Variants in MTFR1L observed in about 807,000 individuals in gnomAD.
The protein encoded by MTFR1L is mitochondrial fission regulator 1-like.
A neutral mutation model predicts 27.9 loss-of-function variants in MTFR1L; 10 were observed. The observed-to-expected ratio is 0.36, with a 90% CI of 0.22 to 0.61. The LOEUF (loss-of-function observed/expected upper bound fraction) is 0.61, where lower values mean the gene tolerates loss of function less well. Ranked by LOEUF, MTFR1L falls within the 20% of genes least tolerant of loss-of-function variation. The pLI is 0.73. For missense variants in MTFR1L, 315 were observed against 363.7 expected (o/e 0.87, Z 1.09); for synonymous variants, 151 against 139.4 (o/e 1.08, Z -0.58).
At position 25,826,369 on chromosome 1, in the gene MTFR1L, C is replaced by T; in HGVS notation, c.197C>T (p.Ala66Val). Reference protein sequence around the residue: ...VPPVPTLADIAWIAADEEETY... With the variant: ...VPPVPTLADIVWIAADEEETY... ...CCAGTCCCTACCCTGGCTGACATCGCCTGGATTGCTGCGGATGAAGAGGAG... is the reference window on the plus strand; with the variant it reads ...CCAGTCCCTACCCTGGCTGACATCGTCTGGATTGCTGCGGATGAAGAGGAG... The change falls in exon 4 of 7, where the codon GCC becomes GTC. Residue 66 changes from alanine to valine, a missense_variant. Physicochemically the swap from Ala to Val is moderately conservative, Grantham distance 64. Transcript: ENST00000374303. This position sits in a 1 kb window ranked among gnomAD's most constrained non-coding sequence, Gnocchi z 4.1. 1 of 1,614,166 alleles carries T rather than the reference C, an allele frequency of 6.2e-7. No homozygotes were observed.
At chr1:25,828,956 T>C (rs1022591902) in intron 5 of MTFR1L, among the ~76,000 whole-genome samples, 2 of 152,196 alleles carry the variant, frequency 1.3e-5, no homozygotes, top group Non-Finnish European at 2.9e-5. Flanking sequence ...ACATCTTTTT[T>C]AGAAACATAG....
chr1:25,826,479 G>A lies in MTFR1L; in HGVS notation c.239+68G>A. The A allele has an allele frequency of 6.3e-7, 1 of 1,592,386 alleles. No homozygotes were observed. Among genetic ancestry groups the A allele is most frequent in the Non-Finnish European group, 8.6e-7 (1 of 1,160,492 alleles). ...CCCAGAAGAGGTGGCAGGCAGCAAGGAGAGAGGAATGAGAACTGTGGGCTC... is the reference window on the plus strand; with the variant it reads ...CCCAGAAGAGGTGGCAGGCAGCAAGAAGAGAGGAATGAGAACTGTGGGCTC... On this transcript the variant is annotated intron_variant, in intron 4 of 6. Coordinates refer to ENST00000374303, the MANE Select transcript of MTFR1L (RefSeq NM_001099625.2). The surrounding 1 kb of genome is among the most constrained non-coding windows in gnomAD (Gnocchi z 4.1).
chr1:25,820,106 G>C (rs1259134586), intron 1 of MTFR1L, 77 bp downstream of exon 1: 2 of 440,186 alleles, frequency 4.5e-6, no homozygotes, highest in Non-Finnish European at 9.0e-6. Flanking sequence ...CTACGTGCCG[G>C]GCGCTGTGCG....
rs777874000 is a variant in MTFR1L at position 25,823,764 on chromosome 1, G to A, written c.129+16G>A. The A allele has an allele frequency of 6.2e-7, 1 of 1,612,802 alleles. No individual in the cohort carries two copies. The highest frequency in any genetic ancestry group is 8.5e-7 in the Non-Finnish European group (1 of 1,179,432). On this transcript the variant is annotated intron_variant, in intron 3 of 6. Transcript: ENST00000374303. ...GTCCTTTGAGGTGAGTATGTTGGAAGGGCAGGAGAGTAGAGGCTCAGACAG... is the reference window on the plus strand; with the variant it reads ...GTCCTTTGAGGTGAGTATGTTGGAAAGGCAGGAGAGTAGAGGCTCAGACAG...
At chr1:25,822,726 C>CT in intron 1 of MTFR1L, 1 of 481,564 alleles carries the variant, frequency 2.1e-6, no homozygotes, top group Non-Finnish European at 3.6e-6. Context: ...CAGGGCTTCA[C>CT]TGTGTTAGCC....
At chr1:25,827,343 C>T (rs1367153139) in intron 5 of MTFR1L, among the ~76,000 whole-genome samples, 2 of 151,628 alleles carry the variant, frequency 1.3e-5, no homozygotes. Context: ...ACCATGTTGG[C>T]CAGGCTGGTC....
At position 25,832,241 on chromosome 1, in the gene MTFR1L, T is replaced by C. The variant is rs2048254948; in HGVS notation, c.*215T>C. ...AGGCTTGTGATTTGACCTGAGACAT[T>C]TGTTTCAGGTAATCGTGTAGAATGA... On this transcript the variant is annotated 3_prime_UTR_variant, in exon 7 of 7. Transcript: ENST00000374303. The C allele has an allele frequency of 3.7e-6, 5 of 1,345,464 alleles. No homozygotes were observed. The highest frequency in any genetic ancestry group is 5.1e-6 in the Non-Finnish European group (5 of 976,872). The allele number at this position is 1,345,464 out of a possible 1,614,324, so 83.3% of individuals were successfully genotyped here.
At position 25,823,052 on chromosome 1, in the gene MTFR1L, TC is replaced by T; in HGVS notation, c.-50del. The T allele has an allele frequency of 6.2e-7, 1 of 1,614,034 alleles. No homozygotes were observed. Among genetic ancestry groups the T allele is most frequent in the South Asian group, 1.1e-5 (1 of 91,084 alleles). On this transcript the variant is annotated 5_prime_UTR_variant, in exon 2 of 7. Transcript: ENST00000374303. ...ATATGAAGGAGTCACGCCTCCCGCC[TC>T]CCGGAGCTGCCCAGTGGCTGCCTTG...
intron 2 of MTFR1L, 57 bp from the exon 3 acceptor site, chr1:25,823,587 G>T: frequency 6.3e-7 from 1 of 1,590,940 alleles, no homozygotes. Context: ...GAGAGGACAA[G>T]GACAGTAGTT....
At chr1:25,831,555 G>A (rs938111533) in intron 6 of MTFR1L, among the ~76,000 whole-genome samples, 9 of 152,214 alleles carry the variant, frequency 5.9e-5, no homozygotes, top group Non-Finnish European at 1.2e-4. Context: ...ATGCTACTAA[G>A]AAAACAGGGC....
intron 3 of MTFR1L, among the ~76,000 whole-genome samples, chr1:25,824,127 C>T (rs2124474257): frequency 6.6e-6 from 1 of 152,346 alleles, no homozygotes; most frequent in South Asian, 2.1e-4. Context: ...CCTCCTGCCT[C>T]AGCCTCCTAT....
intron 1 of MTFR1L, chr1:25,820,373 G>A (rs1557439213): frequency 4.4e-6 from 2 of 454,738 alleles, no homozygotes; most frequent in Non-Finnish European, 8.8e-6. Context: ...GGGTCCAAGG[G>A]CCGCTGGGCA....
intron 1 of MTFR1L, chr1:25,820,461 C>T (rs2048072288): frequency 5.2e-6 from 2 of 382,422 alleles, no homozygotes; most frequent in South Asian, 3.8e-5. Flanking sequence ...CTGGCGGGTC[C>T]CCGCGGGGAG....
Position 25,820,607 on chromosome 1 carries a change from A to T in MTFR1L, c.-87+578A>T, listed in dbSNP as rs556581949. ...GAGGAGCTCCCGTTCTCCTGAGGGG[A>T]CGCCTGTCAGCAGACAGCAACTGCA... On this transcript the variant is annotated intron_variant, in intron 1 of 6. Transcript: ENST00000374303. 1.5e-5 allele frequency: 6 copies of T among 400,814 alleles called. No individual in the cohort carries two copies. The East Asian group carries it at 4.5e-4, about 30-fold the overall frequency. The allele number at this position is 400,814 out of a possible 1,614,324, so 24.8% of individuals were successfully genotyped here.
In MTFR1L at chr1:25,826,394, G is replaced by C; in HGVS notation, c.222G>C (p.Glu74Asp). 6.2e-7 allele frequency: 1 copy of C among 1,614,200 alleles called. No homozygotes were observed. The highest frequency in any genetic ancestry group is 8.5e-7 in the Non-Finnish European group (1 of 1,180,046). The part of the protein sequence containing the change: ...DIAWIAADEE[E>D]TYARVRSDTR... Reference sequence around the variant, plus strand: ...CCTGGATTGCTGCGGATGAAGAGGAGACATATGCCCGGGTCAGGTAGTTGA... The same window carrying C: ...CCTGGATTGCTGCGGATGAAGAGGACACATATGCCCGGGTCAGGTAGTTGA... Residue 74 changes from glutamate (E) to aspartate (D), a missense_variant, in exon 4 of 7, where the codon GAG (glutamate) becomes GAC (aspartate). Physicochemically the swap from Glu to Asp is conservative, Grantham distance 45. Coordinates refer to ENST00000374303, the MANE Select transcript of MTFR1L (RefSeq NM_001099625.2). The surrounding 1 kb of genome is among the most constrained non-coding windows in gnomAD (Gnocchi z 4.1).
intron 5 of MTFR1L, 82 bp from the exon 6 acceptor site, chr1:25,829,427 A>G: frequency 8.0e-7 from 1 of 1,251,260 alleles, no homozygotes; most frequent in Non-Finnish European, 1.1e-6. Flanking sequence ...ATGAATGTTC[A>G]GTAGGCAGGG....
rs1279809722 is a variant in MTFR1L at position 25,832,915 on chromosome 1, T to C, written c.*889T>C. On this transcript the variant is annotated 3_prime_UTR_variant, in exon 7 of 7. Coordinates refer to ENST00000374303, the MANE Select transcript of MTFR1L (RefSeq NM_001099625.2). ...TTTGGGTTGAAGCACTACCTGACAT[T>C]AAAGGAAGGACTTGGAGAGAGAATG... 6.6e-6 allele frequency: 1 copy of C among 152,426 alleles called. No homozygotes were observed. The highest frequency in any genetic ancestry group is 1.5e-5 in the Non-Finnish European group (1 of 68,120). The allele number at this position is 152,426 out of a possible 1,614,324, so 9.4% of individuals were successfully genotyped here. A position where few individuals can be genotyped will look rare whatever the true frequency, so the allele number is the denominator to read the frequency against.
Position 25,829,812 on chromosome 1 carries a change from T to C in MTFR1L, c.755T>C (p.Met252Thr). The part of the protein sequence containing the change: ...MMGILKDFHR[M>T]KQSQDLNRSL... ...GGTATCCTGAAGGACTTTCACCGAA[T>C]GAAACAGAGTCAAGATCTGTAAGTA... The change falls in exon 6 of 7, where the codon ATG becomes ACG. Residue 252 changes from methionine (M) to threonine (T), a missense_variant. Met to Thr is a moderately conservative substitution (Grantham distance 81, BLOSUM62 -1). Coordinates refer to ENST00000374303, the MANE Select transcript of MTFR1L (RefSeq NM_001099625.2). 3 of 1,601,974 alleles carry C rather than the reference T, an allele frequency of 1.9e-6. No homozygotes were observed. Among genetic ancestry groups the C allele is most frequent in the Non-Finnish European group, 2.5e-6 (3 of 1,178,402 alleles).
intron 5 of MTFR1L, among the ~76,000 whole-genome samples, chr1:25,828,682 A>G (rs916198989): frequency 6.6e-6 from 1 of 152,168 alleles, no homozygotes; most frequent in Non-Finnish European, 1.5e-5. Context: ...TGCCTTAACC[A>G]GAGGCATGGA....
Sources: gnomAD v4.1 joint callset for allele counts (sites outside exome capture counted in the v4.1 genomes callset) on GRCh38, gnomAD v4.1.1 for gene constraint, Gnocchi (gnomAD v3.1) non-coding constraint, MANE v1.5 for transcripts, NCBI Gene and HGNC (gene_info 2026-07-23, HGNC 2026-07-21) for gene names.